The following MESP1 variants were observed in gnomAD, a reference collection of about 807,000 sequenced individuals.
The protein encoded by MESP1 is mesoderm posterior bHLH transcription factor 1, also known as mesoderm posterior protein 1.
MESP1 carries 22 observed loss-of-function variants against 15.2 expected under a neutral mutation model. That is an observed-to-expected ratio of 1.45 (90% CI 1.04 to 2.07). MESP1 has a LOEUF of 2.07. Among genes scored for constraint, MESP1 ranks in the 30% most tolerant of loss-of-function variants. The pLI, the probability that MESP1 is intolerant of heterozygous loss-of-function variation, is 0.00. For synonymous variants in MESP1, 216 were observed against 192.6 expected (o/e 1.12, Z -1.01); for missense variants, 484 against 411.9 (o/e 1.17, Z -1.51).
At chr15:89,736,415 C>A in the MESP1 span, among the ~76,000 whole-genome samples, 5 of 152,214 alleles carry the variant, frequency 3.3e-5, no homozygotes, top group African/African-American at 7.2e-5. Flanking sequence ...TGCTCACCAG[C>A]CAGGTACAGT....
the MESP1 span, chr15:89,743,755 G>T: frequency 4.4e-6 from 1 of 228,366 alleles, no homozygotes; most frequent in Non-Finnish European, 8.8e-6. Flanking sequence ...CACCTCCTAG[G>T]CCCTGGAGAG....
downstream of MESP1, among the ~76,000 whole-genome samples, chr15:89,745,733 C>T (rs1248976332): frequency 6.6e-6 from 1 of 152,052 alleles, no homozygotes; most frequent in Non-Finnish European, 1.5e-5. This position sits in a 1 kb window ranked among gnomAD's most constrained non-coding sequence, Gnocchi z 4.8. Context: ...CACTGCCCTC[C>T]AGCCTGGGCG....
At chr15:89,742,070 A>G in the MESP1 span, among the ~76,000 whole-genome samples, 2 of 152,104 alleles carry the variant, frequency 1.3e-5, no homozygotes, top group Non-Finnish European at 2.9e-5. Flanking sequence ...TTTTTAAGAT[A>G]GCATTCACCA....
At chr15:89,747,694 G>A (rs1967998477), downstream of MESP1, among the ~76,000 whole-genome samples, 1 of 152,226 alleles carries the variant, frequency 6.6e-6, no homozygotes, top group Non-Finnish European at 1.5e-5. Flanking sequence ...ACACAGGTCT[G>A]GAGTCACAGC....
downstream of MESP1, among the ~76,000 whole-genome samples, chr15:89,747,841 G>T (rs1001476113): frequency 6.6e-6 from 1 of 152,222 alleles, no homozygotes; most frequent in East Asian, 1.9e-4. Flanking sequence ...ACTACCACCC[G>T]GCACGGGGCG....
At chr15:89,744,983 G>T (rs768935395), downstream of MESP1, among the ~76,000 whole-genome samples, 11 of 152,332 alleles carry the variant, frequency 7.2e-5, no homozygotes, top group African/African-American at 2.6e-4. Flanking sequence ...CAGGGCTGCG[G>T]CAGGTGTCCA....
downstream of MESP1, among the ~76,000 whole-genome samples, chr15:89,745,128 C>T (rs1476155318): frequency 6.6e-6 from 1 of 152,196 alleles, no homozygotes; most frequent in East Asian, 1.9e-4. The surrounding 1 kb of genome is among the most constrained non-coding windows in gnomAD (Gnocchi z 4.8). Flanking sequence ...ACAACAGAGG[C>T]ACCCGGCCCA....
chr15:89,733,630 G>C, the MESP1 span, among the ~76,000 whole-genome samples: 1 of 152,052 alleles, frequency 6.6e-6, no homozygotes, highest in East Asian at 1.9e-4. Flanking sequence ...ATAAGAAAAG[G>C]AAGAGATACC....
chr15:89,741,561 C>T, the MESP1 span, among the ~76,000 whole-genome samples: 1 of 152,164 alleles, frequency 6.6e-6, no homozygotes, highest in Non-Finnish European at 1.5e-5. Context: ...GGGAATTCTA[C>T]TTAGATTGGC....
At chr15:89,735,421 C>A in the MESP1 span, 1 of 1,505,818 alleles carries the variant, frequency 6.6e-7, no homozygotes, top group Non-Finnish European at 9.2e-7. Flanking sequence ...GGATATATGC[C>A]TAGAAGAGGA....
chr15:89,740,383 G>A, the MESP1 span, among the ~76,000 whole-genome samples: 1 of 152,200 alleles, frequency 6.6e-6, no homozygotes, highest in Non-Finnish European at 1.5e-5. Context: ...GACGAATATG[G>A]TCTCATGAGT....
At chr15:89,746,791 A>C (rs868703396), downstream of MESP1, among the ~76,000 whole-genome samples, 136 of 100,134 alleles carry the variant, frequency 1.4e-3, 1 homozygote, top group African/African-American at 6.1e-3. Context: ...CTACCTCCCC[A>C]CACACACACA....
At chr15:89,746,813 ACCT>A (rs1967970148), downstream of MESP1, among the ~76,000 whole-genome samples, 1 of 74,496 alleles carries the variant, frequency 1.3e-5, no homozygotes, top group Admixed American at 1.3e-4. Flanking sequence ...ACACAGCCCC[ACCT>A]CCACAAACAC....
At chr15:89,740,911 G>A in the MESP1 span, among the ~76,000 whole-genome samples, 136 of 152,126 alleles carry the variant, frequency 8.9e-4, no homozygotes, top group Non-Finnish European at 1.6e-3. Flanking sequence ...AGGCCAAGGC[G>A]GGTGGATCAC....
chr15:89,751,174 C>T lies in MESP1; in HGVS notation c.58G>A (p.Gly20Ser). The T allele has an allele frequency of 1.6e-6, 2 of 1,270,962 alleles. No homozygotes were observed. Among genetic ancestry groups the T allele is most frequent in the Non-Finnish European group, 2.0e-6 (2 of 1,010,848 alleles). 78.7% of individuals were successfully genotyped at this position (1,270,962 alleles called of 1,614,324 possible). The part of the protein sequence containing the change: ...SESWMLSAAW[G>S]PTRRPPPSDK... The stretch of plus-strand genomic sequence containing the variant: ...GAGGGCGGCGGCCGCCGAGTTGGGC[C>T]CCAGGCCGCAGAGAGCATCCAGGAC... Residue 20 changes from glycine (G) to serine (S), a missense_variant, in exon 1 of 2, where the codon GGC (glycine) becomes AGC (serine). By Grantham distance (56) the Gly-to-Ser change is moderately conservative. Transcript: ENST00000300057.
In MESP1 at chr15:89,750,681, C is replaced by T. The variant is rs746859651; in HGVS notation, c.551G>A (p.Gly184Glu). The part of the protein sequence containing the change: ...MQTRTQAEGQ[G>E]QGRGLGLVSA... ...TACCAGGCCCAGCCCGCGCCCCTGC[C>T]CCTGCCCCTCAGCCTGCGTCCGTGT... Residue 184 changes from glycine (G) to glutamate (E), a missense_variant, in exon 1 of 2, where the codon GGG becomes GAG. Coordinates refer to ENST00000300057, the MANE Select transcript of MESP1 (RefSeq NM_018670.4). 241 of 1,361,116 alleles carry T rather than the reference C, an allele frequency of 1.8e-4. No individual in the cohort carries two copies. Among genetic ancestry groups the T allele is most frequent in the Non-Finnish European group, 2.1e-4 (223 of 1,063,046 alleles). 84.3% of individuals were successfully genotyped at this position (1,361,116 alleles called of 1,614,324 possible). A position where few individuals can be genotyped will look rare whatever the true frequency, so the allele number is the denominator to read the frequency against.
At chr15:89,746,335 C>G (rs961334334), downstream of MESP1, among the ~76,000 whole-genome samples, 1 of 143,738 alleles carries the variant, frequency 7.0e-6, no homozygotes, top group South Asian at 2.1e-4. Context: ...ATCCACACCT[C>G]CACACATCCA....
Position 89,749,999 on chromosome 15 carries a change from T to G in MESP1, c.*145A>C, listed in dbSNP as rs909227686. ...GAGGGGCTGAGAAGGGCCGCCGCGG[T>G]GGGGACGGCTCTCACCCGCAGGAAT... On this transcript the variant is annotated 3_prime_UTR_variant, in exon 2 of 2. Transcript: ENST00000300057. 5.2e-6 allele frequency: 4 copies of G among 770,222 alleles called. No individual in the cohort carries two copies. The highest frequency in any genetic ancestry group is 8.9e-6 in the Non-Finnish European group (4 of 447,128). 47.7% of individuals were successfully genotyped at this position (770,222 alleles called of 1,614,324 possible). A position where few individuals can be genotyped will look rare whatever the true frequency, so the allele number is the denominator to read the frequency against.
At position 89,750,590 on chromosome 15, in the gene MESP1, G is replaced by C; in HGVS notation, c.642C>G (p.Pro214=). 1.4e-6 allele frequency: 2 copies of C among 1,409,894 alleles called. No homozygotes were observed. The highest frequency in any genetic ancestry group is 2.3e-4 in the Middle Eastern group (1 of 4,318). The allele number at this position is 1,409,894 out of a possible 1,614,324, so 87.3% of individuals were successfully genotyped here. A position where few individuals can be genotyped will look rare whatever the true frequency, so the allele number is the denominator to read the frequency against. ...ACAGCGCAGGCGGGTCGCGCGGCTC[G>C]GGTGCAGCTCGGGCTCCGGGGCAGG... ...PPACPGARAA[P]EPRDPPALFA... is the part of the protein sequence containing the mutation. Residue 214 remains proline, a synonymous_variant, in exon 1 of 2, where the codon CCC becomes CCG. Transcript: ENST00000300057.
Sources: allele counts gnomAD v4.1 joint callset (sites outside exome capture counted in the v4.1 genomes callset), GRCh38; gene constraint gnomAD v4.1.1; non-coding constraint Gnocchi (gnomAD v3.1); transcripts MANE v1.5; gene names NCBI Gene and HGNC (gene_info 2026-07-23, HGNC 2026-07-21).